ZNRF3: variants seen among roughly 807,000 people sequenced by gnomAD.
The protein encoded by ZNRF3 is zinc and ring finger 3, also known as E3 ubiquitin-protein ligase ZNRF3.
A neutral mutation model predicts 72.5 loss-of-function variants in ZNRF3; 23 were observed. The ratio of observed to expected loss-of-function variants is 0.32; its 90% CI spans 0.23 to 0.45. The LOEUF is 0.45. Among genes scored for constraint, ZNRF3 ranks in the 20% least tolerant of loss-of-function variants. ZNRF3 has a pLI of 1.00. For synonymous variants in ZNRF3, 610 were observed against 545.3 expected, an observed-to-expected ratio of 1.12 and a Z score of -1.65; for missense variants, 1,169 against 1,272.1, an observed-to-expected ratio of 0.92 and a Z score of 1.23.
At chr22:28,961,887 A>G (rs1234808667) in intron 1 of ZNRF3, among the ~76,000 whole-genome samples, 2 of 152,208 alleles carry the variant, frequency 1.3e-5, no homozygotes, top group Non-Finnish European at 2.9e-5. Context: ...TTTGCACAGC[A>G]TGGTACTGCT....
At chr22:28,906,357 A>G (rs1453651425) in intron 1 of ZNRF3, among the ~76,000 whole-genome samples, 1 of 152,220 alleles carries the variant, frequency 6.6e-6, no homozygotes, top group East Asian at 1.9e-4. Context: ...GCTAAAATCT[A>G]CTGTATGTTG....
chr22:29,020,761 TTTTGTGTGTGTGTGGGTGTGTG>T (rs1439830546), intron 2 of ZNRF3, among the ~76,000 whole-genome samples: 72 of 42,982 alleles, frequency 1.7e-3, no homozygotes, highest in African/African-American at 4.9e-3. Flanking sequence ...GGGGCTTTGT[TTTTGTGTGTGTGTGGGTGTGTG>T]TGTGTGTGTG....
At chr22:28,910,253 T>A (rs1270979485) in intron 1 of ZNRF3, among the ~76,000 whole-genome samples, 1 of 151,852 alleles carries the variant, frequency 6.6e-6, no homozygotes, top group East Asian at 1.9e-4. Context: ...GTTGACCAGA[T>A]TGGTCTCGAA....
intron 2 of ZNRF3, among the ~76,000 whole-genome samples, chr22:29,002,845 A>G (rs1357527288): frequency 6.6e-6 from 1 of 152,248 alleles, no homozygotes; most frequent in Non-Finnish European, 1.5e-5. Context: ...AGCGCCTGGC[A>G]GAAATGGGAG....
chr22:28,936,227 A>G (rs1041307642), intron 1 of ZNRF3, among the ~76,000 whole-genome samples: 2 of 152,040 alleles, frequency 1.3e-5, no homozygotes, highest in African/African-American at 4.8e-5. Flanking sequence ...TCTGCACTCC[A>G]GTTTTATTCT....
chr22:28,985,543 T>A (rs1457912499), intron 1 of ZNRF3, among the ~76,000 whole-genome samples: 2 of 152,190 alleles, frequency 1.3e-5, no homozygotes, highest in South Asian at 4.1e-4. Context: ...AGCTGGAAAC[T>A]TTTTTTCTAA....
Position 28,883,817 on chromosome 22 carries a change from C to T in ZNRF3, c.51C>T (p.Arg17=). Residue 17 remains arginine (R), a synonymous_variant, in exon 1 of 9, where the codon CGC becomes CGT. Transcript: ENST00000544604. This position sits in a 1 kb window ranked among gnomAD's most constrained non-coding sequence, Gnocchi z 5.5. ...CAGGGGCCACGGGCCGCCGCCGCCG[C>T]CGCCTGCGCCGCCGCCCCCGCGGCC... ...GRPGATGRRR[R]RLRRRPRGLR... 1 of 979,450 alleles carries T rather than the reference C, an allele frequency of 1.0e-6. No homozygotes were observed. Among genetic ancestry groups the T allele is most frequent in the Non-Finnish European group, 1.2e-6 (1 of 827,434 alleles). The allele number at this position is 979,450 out of a possible 1,614,324, so 60.7% of individuals were successfully genotyped here. A position where few individuals can be genotyped will look rare whatever the true frequency, so the allele number is the denominator to read the frequency against.
At chr22:28,984,636 A>C (rs1259425574) in intron 1 of ZNRF3, among the ~76,000 whole-genome samples, 1 of 152,202 alleles carries the variant, frequency 6.6e-6, no homozygotes, top group Non-Finnish European at 1.5e-5. Flanking sequence ...CTGGGACTTC[A>C]GGAAGCTGGC....
In ZNRF3 at chr22:29,030,702, G is replaced by A. The variant is rs1413324292; in HGVS notation, c.427-11793G>A. ...CCGAAAGTCCCGGCCCGCTGGATTG[G>A]GGGTTCGGGGGTGGGGGGAACATAG... On this transcript the variant is annotated intron_variant, in intron 2 of 8. Transcript: ENST00000544604. This position sits in a 1 kb window ranked among gnomAD's most constrained non-coding sequence, Gnocchi z 4.2. Among the ~76,000 whole-genome samples the A allele has an allele frequency of 5.3e-5, 8 of 152,142 alleles. No individual in the cohort carries two copies. The East Asian group carries it at 1.2e-3, about 22-fold the overall frequency.
In ZNRF3 at chr22:28,928,792, G is replaced by A. The variant is rs562438116; in HGVS notation, c.300+44726G>A. Among the ~76,000 whole-genome samples the A allele has an allele frequency of 2.6e-5, 4 of 151,764 alleles. No individual in the cohort carries two copies. In the South Asian group the frequency reaches 6.2e-4, roughly 24 times the overall value. The stretch of plus-strand genomic sequence containing the variant: ...ATTACAGGCGTGAGCCACCGCGCCC[G>A]GCCCAGAAATGTCTTTTATAGATGG... On this transcript the variant is annotated intron_variant, in intron 1 of 8. Transcript: ENST00000544604.
intron 1 of ZNRF3, among the ~76,000 whole-genome samples, chr22:28,908,289 C>G (rs1205752888): frequency 1.3e-5 from 2 of 152,150 alleles, no homozygotes; most frequent in African/African-American, 4.8e-5. Context: ...AAAGAACCCT[C>G]AACAACCCTC....
At chr22:29,002,598 G>A (rs963446537) in intron 2 of ZNRF3, among the ~76,000 whole-genome samples, 1 of 152,296 alleles carries the variant, frequency 6.6e-6, no homozygotes, top group African/African-American at 2.4e-5. Flanking sequence ...TCTCTCAAAG[G>A]TTTGCTGATG....
intron 1 of ZNRF3, among the ~76,000 whole-genome samples, chr22:28,955,683 C>T (rs1043526046): frequency 8.6e-5 from 13 of 151,636 alleles, no homozygotes; most frequent in Non-Finnish European, 1.8e-4. Context: ...TTTTGGGAGG[C>T]TGAGGTGGGA....
chr22:29,043,348 A>C lies in ZNRF3; in HGVS notation c.551A>C (p.Lys184Thr), dbSNP rs760886843. The change falls in exon 4 of 9, where the codon AAG becomes ACG. Residue 184 changes from lysine to threonine, a missense_variant. By Grantham distance (78) the Lys-to-Thr change is moderately conservative. Coordinates refer to ENST00000544604, the MANE Select transcript of ZNRF3 (RefSeq NM_001206998.2). ...DPLKRPVVYV[K>T]GADAIKLMNI... ...CTCAAGAGGCCGGTGGTGTATGTGA[A>C]GGGTGCAGATGCCATTAAGCTGATG... is the stretch of plus-strand genomic sequence containing the variant. 1 of 1,614,038 alleles carries C rather than the reference A, an allele frequency of 6.2e-7. No homozygotes were observed. Among genetic ancestry groups the C allele is most frequent in the African/African-American group, 1.3e-5 (1 of 74,980 alleles).
chr22:28,957,829 T>C (rs969658380), intron 1 of ZNRF3, among the ~76,000 whole-genome samples: 1 of 152,094 alleles, frequency 6.6e-6, no homozygotes, highest in Non-Finnish European at 1.5e-5. Flanking sequence ...GAAATAAATG[T>C]TGTGTGCAGT....
chr22:29,009,640 CAAG>C (rs879463190), intron 2 of ZNRF3, among the ~76,000 whole-genome samples: 15 of 151,874 alleles, frequency 9.9e-5, no homozygotes, highest in Non-Finnish European at 1.9e-4. Flanking sequence ...ACTTAAAATC[CAAG>C]AAGATTTTTA....
rs1359683804 is a variant in ZNRF3 at position 29,049,193 on chromosome 22, C to G, written c.1016-4C>G. 6.3e-7 allele frequency: 1 copy of G among 1,584,798 alleles called. No homozygotes were observed. On this transcript the variant is annotated splice_polypyrimidine_tract_variant and splice_region_variant and intron_variant, in intron 7 of 8. Transcript: ENST00000544604. The surrounding 1 kb of genome is among the most constrained non-coding windows in gnomAD (Gnocchi z 5.2). ...CCTACTCTGTTTCCTCCACTTGTCT[C>G]CAGAACAAAAGGGAAACCCAAGCGC...
chr22:29,049,764 G>C lies in ZNRF3; in HGVS notation c.1583G>C (p.Ser528Thr). 3 of 1,596,370 alleles carry C rather than the reference G, an allele frequency of 1.9e-6. No homozygotes were observed. Among genetic ancestry groups the C allele is most frequent in the Non-Finnish European group, 2.6e-6 (3 of 1,169,558 alleles). ...CACCTGGAGAGCGGCAGCACGTCCA[G>C]CTTCAGCTGCTATCACGGCCACCGC... ...PSHLESGSTS[S>T]FSCYHGHRSV... The change falls in exon 8 of 9, where the codon AGC (serine) becomes ACC (threonine). Residue 528 changes from serine (S) to threonine (T), a missense_variant. This residue lies in a region of ZNRF3 where 783 missense variants were observed against 731.4 expected (regional missense o/e 1.07). Transcript: ENST00000544604. The surrounding 1 kb of genome is among the most constrained non-coding windows in gnomAD (Gnocchi z 5.2).
intron 1 of ZNRF3, among the ~76,000 whole-genome samples, chr22:28,926,003 G>C (rs73881189): frequency 6.6e-6 from 1 of 152,104 alleles, no homozygotes; most frequent in East Asian, 1.9e-4. Flanking sequence ...GAGATCTTGC[G>C]TCTTTGTTCA....
Sources: allele counts gnomAD v4.1 joint callset (sites outside exome capture counted in the v4.1 genomes callset), GRCh38; gene constraint gnomAD v4.1.1; regional missense constraint gnomAD v4.1.1; non-coding constraint Gnocchi (gnomAD v3.1); transcripts MANE v1.5; gene names NCBI Gene and HGNC (gene_info 2026-07-23, HGNC 2026-07-21).